The following PKIB variants were observed in gnomAD, a reference collection of about 807,000 sequenced individuals.
The protein encoded by PKIB is PKI-beta.
PKIB carries 2 observed loss-of-function variants against 4.5 expected under a neutral mutation model. That is an observed-to-expected ratio of 0.44 (90% CI 0.18 to 1.39). The LOEUF is 1.39. Among genes scored for constraint, PKIB ranks in the 40% most tolerant of loss-of-function variants. The pLI, the probability that PKIB is intolerant of heterozygous loss-of-function variation, is 0.27. For synonymous variants in PKIB, 38 were observed against 36.0 expected (o/e 1.06, Z -0.20); for missense variants, 94 against 92.6 (o/e 1.02, Z -0.06).
chr6:122,530,992 G>GT (rs1777238401), intron 2 of PKIB: 1 of 152,176 alleles, frequency 6.6e-6, no homozygotes, highest in African/African-American at 2.4e-5. Flanking sequence ...GGTTCTCACA[G>GT]GATATTCTGT....
At chr6:122,624,957 G>A (rs746584117) in intron 1 of PKIB, among the ~76,000 whole-genome samples, 18 of 152,166 alleles carry the variant, frequency 1.2e-4, no homozygotes, top group Non-Finnish European at 2.4e-4. Context: ...AGTAAAAAGA[G>A]GTTTATCCTG....
intron 1 of PKIB, among the ~76,000 whole-genome samples, chr6:122,620,639 A>G (rs1041758744): frequency 6.6e-6 from 1 of 152,184 alleles, no homozygotes; most frequent in African/African-American, 2.4e-5. Context: ...GCGGTGAGGT[A>G]AGAGGTTGAG....
chr6:122,616,865 C>T (rs998169247), intron 1 of PKIB, among the ~76,000 whole-genome samples: 1 of 152,054 alleles, frequency 6.6e-6, no homozygotes, highest in Admixed American at 6.6e-5. Flanking sequence ...GTTTATTCTC[C>T]AATCTGTGAA....
chr6:122,650,144 A>G (rs932417917), intron 2 of PKIB, among the ~76,000 whole-genome samples: 2 of 152,178 alleles, frequency 1.3e-5, no homozygotes, highest in African/African-American at 4.8e-5. Context: ...GAGAAGCCAA[A>G]TGCAACAACT....
At chr6:122,578,039 TAGTG>T (rs1459627084) in intron 2 of PKIB, among the ~76,000 whole-genome samples, 3 of 151,774 alleles carry the variant, frequency 2.0e-5, no homozygotes, top group Non-Finnish European at 2.9e-5. Context: ...GGGTAAAACT[TAGTG>T]GGCAGGAATT....
At chr6:122,689,014 C>G (rs1778215603) in intron 3 of PKIB, among the ~76,000 whole-genome samples, 1 of 152,014 alleles carries the variant, frequency 6.6e-6, no homozygotes, top group Non-Finnish European at 1.5e-5. Flanking sequence ...ATCTCCTGAC[C>G]TCGTGACCCG....
intron 2 of PKIB, among the ~76,000 whole-genome samples, chr6:122,580,737 C>A (rs1429533864): frequency 6.6e-6 from 1 of 152,086 alleles, no homozygotes; most frequent in Non-Finnish European, 1.5e-5. Flanking sequence ...ACCACCTTCC[C>A]CCCACCAACT....
chr6:122,701,986 C>T (rs565256528), intron 3 of PKIB, among the ~76,000 whole-genome samples: 2 of 152,086 alleles, frequency 1.3e-5, no homozygotes, highest in South Asian at 2.1e-4. Flanking sequence ...ATTAGGTAAC[C>T]AGAATAAGAC....
intron 3 of PKIB, among the ~76,000 whole-genome samples, chr6:122,703,939 TATAG>T (rs1253482612): frequency 6.5e-4 from 67 of 103,210 alleles, no homozygotes; most frequent in East Asian, 4.6e-3. Context: ...TATATATATA[TATAG>T]AGAGAGAGAG....
At chr6:122,666,151 C>T (rs985222498) in intron 2 of PKIB, among the ~76,000 whole-genome samples, 6 of 152,138 alleles carry the variant, frequency 3.9e-5, no homozygotes, top group Non-Finnish European at 8.8e-5. Context: ...TTAGTCTTTT[C>T]CAGCCTTAGC....
At chr6:122,576,689 A>AAAAAAAAAAATATATATAT (rs1345822382) in intron 2 of PKIB, among the ~76,000 whole-genome samples, 1 of 34,312 alleles carries the variant, frequency 2.9e-5, no homozygotes, top group Non-Finnish European at 4.7e-5. Context: ...AAAAAAAAAA[A>AAAAAAAAAAATATATATAT]ATATATATAT....
At chr6:122,641,454 G>A (rs1190972440) in intron 2 of PKIB, among the ~76,000 whole-genome samples, 1 of 152,028 alleles carries the variant, frequency 6.6e-6, no homozygotes, top group Admixed American at 6.6e-5. Flanking sequence ...TTTTGAAAAT[G>A]GCAAAAGCTA....
In PKIB at chr6:122,511,730, A is replaced by C. The variant is rs114372752; in HGVS notation, c.-248+33791A>C. On this transcript the variant is annotated intron_variant, in intron 2 of 6. Transcript: ENST00000392491. ...ACAATCACTTAGATCTAAGAAGCAG[A>C]TGCTCAGGGCGAAACAGTGAAAGGG... 5.0e-3 allele frequency among the ~76,000 whole-genome samples: 757 copies of C among 152,326 alleles called. 6 individuals are homozygous for C. Among genetic ancestry groups the C allele is most frequent in the African/African-American group, 0.017 (705 of 41,578 alleles).
At chr6:122,711,776 T>C (rs74468087) in intron 3 of PKIB, among the ~76,000 whole-genome samples, 2 of 152,290 alleles carry the variant, frequency 1.3e-5, no homozygotes, top group African/African-American at 2.4e-5. Context: ...CATTAATTTA[T>C]CTGGAAAATT....
At chr6:122,505,534 G>T (rs568138117) in intron 2 of PKIB, among the ~76,000 whole-genome samples, 3 of 152,264 alleles carry the variant, frequency 2.0e-5, no homozygotes, top group Non-Finnish European at 2.9e-5. Context: ...AGTAAAATTT[G>T]TAATAGTTGA....
At chr6:122,624,371 G>A (rs1314607659) in intron 1 of PKIB, among the ~76,000 whole-genome samples, 1 of 152,090 alleles carries the variant, frequency 6.6e-6, no homozygotes, top group African/African-American at 2.4e-5. Flanking sequence ...CTATGAACAT[G>A]AAACATAAAT....
intron 2 of PKIB, among the ~76,000 whole-genome samples, chr6:122,485,146 G>A (rs1367264474): frequency 2.6e-5 from 4 of 151,894 alleles, no homozygotes; most frequent in African/African-American, 9.7e-5. Context: ...TGTGAATCGT[G>A]CCTTGCTCAA....
chr6:122,717,108 C>A (rs951452715), intron 3 of PKIB, among the ~76,000 whole-genome samples: 3 of 152,062 alleles, frequency 2.0e-5, no homozygotes, highest in African/African-American at 7.2e-5. Context: ...CTTGAGAATT[C>A]TTTCTTAGAG....
At chr6:122,511,793 G>A (rs1318759627) in intron 2 of PKIB, among the ~76,000 whole-genome samples, 1 of 152,212 alleles carries the variant, frequency 6.6e-6, no homozygotes, top group African/African-American at 2.4e-5. Flanking sequence ...GGTAATAGTG[G>A]TTTAAATGAA....
Sources: gnomAD v4.1 joint callset for allele counts (sites outside exome capture counted in the v4.1 genomes callset) on GRCh38, gnomAD v4.1.1 for gene constraint, MANE v1.5 for transcripts, NCBI Gene and HGNC (gene_info 2026-07-23, HGNC 2026-07-21) for gene names.